Variants in VIPR2 observed in about 807,000 individuals in gnomAD.
VIPR2 encodes the protein vasoactive intestinal peptide receptor 2, also known as vasoactive intestinal polypeptide receptor 2.
A neutral mutation model predicts 58.0 loss-of-function variants in VIPR2; 48 were observed. The observed-to-expected ratio is 0.83, with a 90% CI of 0.66 to 1.05. The LOEUF (loss-of-function observed/expected upper bound fraction) is 1.05, where lower values mean the gene tolerates loss of function less well. Ranked by LOEUF, VIPR2 falls within the 50% of genes least tolerant of loss-of-function variation. The pLI is 0.00. For synonymous variants in VIPR2, 243 were observed against 235.2 expected (o/e 1.03, Z -0.30); for missense variants, 534 against 558.0 (o/e 0.96, Z 0.43).
intron 3 of VIPR2, among the ~76,000 whole-genome samples, chr7:159,106,024 G>A (rs1858623240): frequency 1.3e-5 from 2 of 152,302 alleles, no homozygotes; most frequent in South Asian, 2.1e-4. Context: ...TGAGGAAGTC[G>A]TGTCACTTGC....
rs1796753683 is a variant in VIPR2 at position 159,128,822 on chromosome 7, A to G, written c.151+13624T>C. On this transcript the variant is annotated intron_variant, in intron 2 of 12. Coordinates refer to ENST00000262178, the MANE Select transcript of VIPR2 (RefSeq NM_003382.5). This position sits in a 1 kb window ranked among gnomAD's most constrained non-coding sequence, Gnocchi z 4.1. Reference sequence around the variant, plus strand: ...GTGGTCTCAGCTCTGCAGGTTGGGCACGCTAACTGCTCTTCTCCCTCAACT... The same window carrying G: ...GTGGTCTCAGCTCTGCAGGTTGGGCGCGCTAACTGCTCTTCTCCCTCAACT... Among the ~76,000 whole-genome samples, 1 of 152,160 alleles carries G rather than the reference A, an allele frequency of 6.6e-6. No homozygotes were observed. The highest frequency in any genetic ancestry group is 2.4e-5 in the African/African-American group (1 of 41,424).
At chr7:159,050,520 T>G (rs1425928800) in intron 5 of VIPR2, among the ~76,000 whole-genome samples, 1 of 151,810 alleles carries the variant, frequency 6.6e-6, no homozygotes, top group East Asian at 1.9e-4. Flanking sequence ...ATTTAAAACT[T>G]AAAAAACCTT....
At chr7:159,054,017 A>C (rs755742500) in intron 5 of VIPR2, among the ~76,000 whole-genome samples, 1 of 152,228 alleles carries the variant, frequency 6.6e-6, no homozygotes, top group African/African-American at 2.4e-5. Flanking sequence ...TAATAAACAG[A>C]AACAGTGCAG....
rs558620423 is a variant in VIPR2 at position 159,142,788 on chromosome 7, AACTT to A, written c.52-247_52-244del. 5.8e-4 allele frequency among the ~76,000 whole-genome samples: 89 copies of A among 152,334 alleles called. 1 individual carries two copies. Among genetic ancestry groups the A allele is most frequent in the African/African-American group, 2.0e-3 (85 of 41,586 alleles). The stretch of plus-strand genomic sequence containing the variant: ...AATTTTTTTTCTGAGCAGGAAAATG[AACTT>A]ACTAACAGAATACATCGGTACTAAT... On this transcript the variant is annotated intron_variant, in intron 1 of 12. Transcript: ENST00000262178.
intron 2 of VIPR2, among the ~76,000 whole-genome samples, chr7:159,121,761 T>G (rs1796464273): frequency 6.6e-6 from 1 of 152,192 alleles, no homozygotes; most frequent in Non-Finnish European, 1.5e-5. Flanking sequence ...ATGAAATAAT[T>G]GTCTGATAGG....
At position 159,131,678 on chromosome 7, in the gene VIPR2, A is replaced by G. The variant is rs11761107; in HGVS notation, c.151+10768T>C. On this transcript the variant is annotated intron_variant, in intron 2 of 12. Coordinates refer to ENST00000262178, the MANE Select transcript of VIPR2 (RefSeq NM_003382.5). ...ACATTTTTTCTGAATCTGCTGTAAG[A>G]CTGGCTTAATAAACCTCTTGAAACC... Among the ~76,000 whole-genome samples the G allele has an allele frequency of 6.2e-3, 937 of 152,314 alleles. 6 individuals are homozygous for G. The highest frequency in any genetic ancestry group is 0.011 in the Non-Finnish European group (735 of 68,028).
chr7:159,117,429 T>G (rs1191774781), intron 2 of VIPR2: 2 of 717,088 alleles, frequency 2.8e-6, no homozygotes, highest in Non-Finnish European at 5.2e-6. Context: ...AGGATAACAG[T>G]GAGCACATGA....
intron 5 of VIPR2, among the ~76,000 whole-genome samples, chr7:159,050,582 C>A (rs997599398): frequency 6.6e-6 from 1 of 151,624 alleles, no homozygotes; most frequent in African/African-American, 2.4e-5. Flanking sequence ...ACAGCAGATG[C>A]GAGTACCATG....
rs1858035274 is a variant in VIPR2, at chr7:159,098,912, A to C, written c.357+4845T>G. Among the ~76,000 whole-genome samples, 2 of 152,204 alleles carry C rather than the reference A, an allele frequency of 1.3e-5. No individual in the cohort carries two copies. Among genetic ancestry groups the C allele is most frequent in the African/African-American group, 4.8e-5 (2 of 41,458 alleles). On this transcript the variant is annotated intron_variant, in intron 4 of 12. Transcript: ENST00000262178. The surrounding 1 kb of genome is among the most constrained non-coding windows in gnomAD (Gnocchi z 5.2). ...CGAAGCGTGAGCTCCGGGCAGGAGA[A>C]ACTCTGTTCAGTTCAGCTCCCAGGC...
At chr7:159,125,034 G>A (rs542468184) in intron 2 of VIPR2, among the ~76,000 whole-genome samples, 40 of 152,172 alleles carry the variant, frequency 2.6e-4, no homozygotes, top group African/African-American at 4.6e-4. Flanking sequence ...GGAGCTTTTC[G>A]GCTGAGACTA....
At chr7:159,121,238 G>A (rs1368533535) in intron 2 of VIPR2, among the ~76,000 whole-genome samples, 1 of 151,878 alleles carries the variant, frequency 6.6e-6, no homozygotes, top group Non-Finnish European at 1.5e-5. Flanking sequence ...GTCGTGCGGG[G>A]CAGACTCTAA....
At chr7:159,066,234 C>A (rs1856080458) in intron 4 of VIPR2, among the ~76,000 whole-genome samples, 1 of 149,554 alleles carries the variant, frequency 6.7e-6, no homozygotes, top group East Asian at 2.0e-4. Context: ...TGCTTCCACA[C>A]CGTCGGTGGG....
chr7:159,108,010 C>T (rs146180526), intron 3 of VIPR2, among the ~76,000 whole-genome samples: 142 of 152,332 alleles, frequency 9.3e-4, no homozygotes, highest in Non-Finnish European at 1.7e-3. Context: ...ATTTCTGGAA[C>T]ACCTGGGTTT....
rs544842876 is a variant in VIPR2 at position 159,115,961 on chromosome 7, C to A, written c.152-6042G>T. Among the ~76,000 whole-genome samples the A allele has an allele frequency of 1.4e-4, 22 of 152,254 alleles. No individual in the cohort carries two copies. The East Asian group carries it at 3.9e-3, about 27-fold the overall frequency. On this transcript the variant is annotated intron_variant, in intron 2 of 12. Coordinates refer to ENST00000262178, the MANE Select transcript of VIPR2 (RefSeq NM_003382.5). ...TAGTCAGGCAGCAGGTGTGAGGCAT[C>A]GATTTGTTTGTGAACAGCAAGGTCT...
chr7:159,039,229 C>CG (rs1318682545), intron 6 of VIPR2, among the ~76,000 whole-genome samples: 13 of 152,144 alleles, frequency 8.5e-5, no homozygotes, highest in Non-Finnish European at 1.9e-4. Context: ...GAGGCCAAGG[C>CG]GGGGGGATCA....
Position 159,030,545 on chromosome 7 carries a change from A to G in VIPR2, c.*71T>C, listed in dbSNP as rs951329167. 5 of 1,455,714 alleles carry G rather than the reference A, an allele frequency of 3.4e-6. No individual in the cohort carries two copies. The African/African-American group carries it at 7.2e-5, about 21-fold the overall frequency. 90.2% of individuals were successfully genotyped at this position (1,455,714 alleles called of 1,614,324 possible). ...GGTGCTCGGGCATCTGGAAGGAGGA[A>G]GCCGGCGTCTCAGCCCCGCAGAAGC... On this transcript the variant is annotated 3_prime_UTR_variant, in exon 13 of 13. Transcript: ENST00000262178.
At chr7:159,116,304 A>G (rs1053689371) in intron 2 of VIPR2, among the ~76,000 whole-genome samples, 3 of 152,250 alleles carry the variant, frequency 2.0e-5, no homozygotes, top group Admixed American at 6.5e-5. Flanking sequence ...ATAGCCACAC[A>G]TAACCAGGAG....
At chr7:159,089,695 G>A (rs1857352604) in intron 4 of VIPR2, among the ~76,000 whole-genome samples, 1 of 151,930 alleles carries the variant, frequency 6.6e-6, no homozygotes, top group Non-Finnish European at 1.5e-5. Context: ...TTCTCCACTT[G>A]TAAAACAACA....
At chr7:159,106,457 GGC>G (rs1858658457) in intron 3 of VIPR2, among the ~76,000 whole-genome samples, 2 of 148,406 alleles carry the variant, frequency 1.3e-5, no homozygotes, top group African/African-American at 5.0e-5. Context: ...GCCAGGGAGG[GGC>G]AGAGAGAGGC....
Sources: gnomAD v4.1 joint callset for allele counts (sites outside exome capture counted in the v4.1 genomes callset) on GRCh38, gnomAD v4.1.1 for gene constraint, Gnocchi (gnomAD v3.1) non-coding constraint, MANE v1.5 for transcripts, NCBI Gene and HGNC (gene_info 2026-07-23, HGNC 2026-07-21) for gene names.